Variants in WDR17 observed in about 807,000 individuals in gnomAD.
WDR17 encodes the protein WD repeat domain 17, also known as WD repeat-containing protein 17.
WDR17 carries 143 observed loss-of-function variants against 161.7 expected under a neutral mutation model. The observed-to-expected ratio is 0.88, with a 90% confidence interval of 0.77 to 1.02. The LOEUF is 1.02. WDR17 is among the 50% of genes least tolerant of loss of function. WDR17 has a pLI of 0.00. For synonymous variants in WDR17, 517 were observed against 515.6 expected (o/e 1.00, Z -0.04); for missense variants, 1,469 against 1,520.9 (o/e 0.97, Z 0.57).
intron 23 of WDR17, among the ~76,000 whole-genome samples, chr4:176,169,464 A>G (rs1750379356): frequency 6.6e-6 from 1 of 152,156 alleles, no homozygotes; most frequent in Non-Finnish European, 1.5e-5. Context: ...GCAGATCACA[A>G]AACTATGCAT....
chr4:176,175,241 G>C (rs190984087), intron 26 of WDR17, among the ~76,000 whole-genome samples: 1 of 152,244 alleles, frequency 6.6e-6, no homozygotes, highest in East Asian at 1.9e-4. Context: ...AAGAAAATAG[G>C]AAACTGAATA....
chr4:176,076,270 T>C (rs200067090), intron 1 of WDR17, among the ~76,000 whole-genome samples: 1,901 of 35,126 alleles, frequency 0.054, 55 homozygotes, highest in African/African-American at 0.1. Flanking sequence ...CACACACACA[T>C]ATATATACAT....
At chr4:176,081,083 A>G (rs1275244960) in intron 1 of WDR17, among the ~76,000 whole-genome samples, 5 of 152,124 alleles carry the variant, frequency 3.3e-5, no homozygotes, top group Admixed American at 2.6e-4. Flanking sequence ...CCTTGCTGCC[A>G]GTTAATTAGT....
chr4:176,166,526 C>A (rs1425612386), intron 22 of WDR17, among the ~76,000 whole-genome samples: 23 of 151,998 alleles, frequency 1.5e-4, no homozygotes, highest in African/African-American at 5.6e-4. Context: ...ACTGAACTCT[C>A]AAAAAAGAGT....
At chr4:176,069,733 G>A (rs1026405365) in intron 1 of WDR17, among the ~76,000 whole-genome samples, 1 of 151,808 alleles carries the variant, frequency 6.6e-6, no homozygotes, top group African/African-American at 2.4e-5. Flanking sequence ...TTCATATCAC[G>A]CACACAGAAA....
chr4:176,173,472 C>T (rs1171596385), intron 25 of WDR17, 103 bp downstream of exon 25: 2 of 645,596 alleles, frequency 3.1e-6, no homozygotes, highest in East Asian at 6.0e-5. Context: ...TTATCTTGGA[C>T]AGGTAGCTAC....
chr4:176,096,471 T>A, intron 1 of WDR17: 1 of 1,490,198 alleles, frequency 6.7e-7, no homozygotes. Flanking sequence ...AGGTGCTGAC[T>A]ATTCTGATGC....
In WDR17 at chr4:176,168,823, T is replaced by C. The variant is rs200038372; in HGVS notation, c.3102+40T>C. The C allele has an allele frequency of 4.4e-4, 698 of 1,581,082 alleles. 14 individuals carry two copies. In the South Asian group the frequency reaches 7.7e-3, roughly 17 times the overall value. On this transcript the variant is annotated intron_variant, in intron 23 of 28. Coordinates refer to ENST00000508596, the MANE Select transcript of WDR17 (RefSeq NM_181265.4). ...TTAAATATTCTGGTTTGGAATGCAGTGCTATGATTTAATTAATTGTAGGTT... is the reference window on the plus strand; with the variant it reads ...TTAAATATTCTGGTTTGGAATGCAGCGCTATGATTTAATTAATTGTAGGTT...
At chr4:176,070,627 C>T (rs1452001008) in intron 1 of WDR17, among the ~76,000 whole-genome samples, 2 of 151,988 alleles carry the variant, frequency 1.3e-5, no homozygotes, top group Non-Finnish European at 2.9e-5. Flanking sequence ...AATCCCCCCA[C>T]AGCAGCCTTC....
In WDR17 at chr4:176,174,729, T is replaced by C; in HGVS notation, c.3449+11T>C. The C allele has an allele frequency of 6.3e-7, 1 of 1,576,630 alleles. No homozygotes were observed. The highest frequency in any genetic ancestry group is 8.7e-7 in the Non-Finnish European group (1 of 1,154,648). On this transcript the variant is annotated intron_variant, in intron 26 of 28. Transcript: ENST00000508596. The stretch of plus-strand genomic sequence containing the variant: ...TTATGAGTACACAAGGTAAAAAAGG[T>C]TTTTTCCTCCATCATGACATTAGAG...
intron 2 of WDR17, among the ~76,000 whole-genome samples, chr4:176,114,309 C>A (rs1362616842): frequency 6.6e-6 from 1 of 151,950 alleles, no homozygotes; most frequent in Non-Finnish European, 1.5e-5. Flanking sequence ...ATGAAAACTT[C>A]ATTGGTTTTG....
chr4:176,179,555 T>TG lies in WDR17; in HGVS notation c.3830dup (p.Ile1278AsnfsTer58). 6.3e-7 allele frequency: 1 copy of TG among 1,598,374 alleles called. No individual in the cohort carries two copies. The highest frequency in any genetic ancestry group is 8.5e-7 in the Non-Finnish European group (1 of 1,171,688). On this transcript the variant is annotated frameshift_variant, in exon 29 of 29. Coordinates refer to ENST00000508596, the MANE Select transcript of WDR17 (RefSeq NM_181265.4). LOFTEE classifies it high-confidence loss of function. ...TGAATCCATTCTCACCTTTAGGGAC[T>TG]GGAATACGACTCAATCCATTCTGAT...
chr4:176,085,308 C>A (rs988765472), intron 1 of WDR17, among the ~76,000 whole-genome samples: 13 of 152,102 alleles, frequency 8.5e-5, no homozygotes, highest in African/African-American at 3.1e-4. Context: ...TCCCTTCTTA[C>A]ACGTCTTTTT....
chr4:176,160,220 A>C, intron 19 of WDR17, 94 bp downstream of exon 19: 1 of 1,466,252 alleles, frequency 6.8e-7, no homozygotes, highest in Non-Finnish European at 9.2e-7. Flanking sequence ...TACATAATTG[A>C]CAAAGTCATA....
intron 24 of WDR17, 143 bp from the exon 25 acceptor site, chr4:176,173,124 T>C: frequency 1.8e-6 from 1 of 551,590 alleles, no homozygotes; most frequent in Non-Finnish European, 3.2e-6. Context: ...TGAGAGAGGA[T>C]AAATAGGAAA....
Position 176,115,833 on chromosome 4 carries a change from T to C in WDR17, c.161T>C (p.Ile54Thr). The change falls in exon 3 of 29, where the codon ATT becomes ACT. Residue 54 changes from isoleucine (I) to threonine (T), a missense_variant. Coordinates refer to ENST00000508596, the MANE Select transcript of WDR17 (RefSeq NM_181265.4). Reference sequence around the variant, plus strand: ...TATAATGAATTCAAACTTCACGCAATTATGTCTGAACATAAAAAAACAATC... The same window carrying C: ...TATAATGAATTCAAACTTCACGCAACTATGTCTGAACATAAAAAAACAATC... ...HRYNEFKLHA[I>T]MSEHKKTITA... The C allele has an allele frequency of 6.2e-7, 1 of 1,609,992 alleles. No homozygotes were observed. The highest frequency in any genetic ancestry group is 8.5e-7 in the Non-Finnish European group (1 of 1,177,714).
chr4:176,074,303 C>G (rs35743739), intron 1 of WDR17, among the ~76,000 whole-genome samples: 79,020 of 151,376 alleles, frequency 0.52, 22,015 homozygotes, highest in South Asian at 0.63. Flanking sequence ...AGCTCTGTCA[C>G]CAGAACACCT....
At chr4:176,143,971 T>C (rs1323147362) in intron 11 of WDR17, among the ~76,000 whole-genome samples, 1 of 149,348 alleles carries the variant, frequency 6.7e-6, no homozygotes, top group Admixed American at 6.7e-5. Context: ...TACAAGAAGG[T>C]CCCTGAATAA....
chr4:176,178,087 A>T (rs1751734768), intron 28 of WDR17, among the ~76,000 whole-genome samples: 4 of 146,282 alleles, frequency 2.7e-5, no homozygotes, highest in Admixed American at 2.1e-4. Flanking sequence ...ATGTATTTCT[A>T]ATGTAATGTG....
Sources: allele counts gnomAD v4.1 joint callset (sites outside exome capture counted in the v4.1 genomes callset), GRCh38; gene constraint gnomAD v4.1.1; transcripts MANE v1.5; gene names NCBI Gene and HGNC (gene_info 2026-07-23, HGNC 2026-07-21).